The following CCNT2 variants were observed in gnomAD, a reference collection of about 807,000 sequenced individuals.
CCNT2 encodes the protein cyclin-T2.
Under a neutral mutation model 70.0 loss-of-function variants are expected in CCNT2, and 18 were observed. The observed-to-expected ratio is 0.26, with a 90% CI of 0.18 to 0.38. The LOEUF (loss-of-function observed/expected upper bound fraction) is 0.38. Ranked by LOEUF, CCNT2 falls within the 10% of genes least tolerant of loss-of-function variation. CCNT2 has a pLI of 1.00. For missense variants in CCNT2, 734 were observed against 890.2 expected (o/e 0.82, Z 2.23); for synonymous variants, 334 against 313.3 (o/e 1.07, Z -0.70).
intron 7 of CCNT2, among the ~76,000 whole-genome samples, chr2:134,948,795 A>G (rs896441809): frequency 1.3e-5 from 2 of 150,722 alleles, no homozygotes; most frequent in South Asian, 2.1e-4. Context: ...GCTCACCGCA[A>G]CCTCCACCTC....
At chr2:134,932,765 A>G (rs1471498531) in intron 2 of CCNT2, among the ~76,000 whole-genome samples, 1 of 152,164 alleles carries the variant, frequency 6.6e-6, no homozygotes, top group Non-Finnish European at 1.5e-5. Flanking sequence ...GCAAATGCCA[A>G]TTAACAAATG....
intron 2 of CCNT2, among the ~76,000 whole-genome samples, chr2:134,928,262 C>T (rs1380783141): frequency 8.2e-6 from 1 of 122,376 alleles, no homozygotes; most frequent in Non-Finnish European, 1.7e-5. Context: ...TGCCCGGCCT[C>T]ACATTGTATT....
intron 2 of CCNT2, among the ~76,000 whole-genome samples, chr2:134,934,784 T>A (rs1366984499): frequency 1.3e-5 from 2 of 152,218 alleles, no homozygotes; most frequent in East Asian, 3.8e-4. Flanking sequence ...AAATTCTGGA[T>A]CATCTGACAG....
chr2:134,924,355 CA>C (rs1363518586), intron 2 of CCNT2, among the ~76,000 whole-genome samples: 1 of 152,172 alleles, frequency 6.6e-6, no homozygotes, highest in Non-Finnish European at 1.5e-5. Flanking sequence ...TTGTAATCAC[CA>C]ACCAAGTCAA....
At chr2:134,926,402 C>A (rs901579395) in intron 2 of CCNT2, among the ~76,000 whole-genome samples, 1 of 152,148 alleles carries the variant, frequency 6.6e-6, no homozygotes, top group Non-Finnish European at 1.5e-5. Context: ...TTTTTAGTTT[C>A]TCTTTTCCCT....
rs988226873 is a variant in CCNT2 at position 134,954,489 on chromosome 2, C to T, written c.2034C>T (p.Tyr678=). 8 of 1,614,166 alleles carry T rather than the reference C, an allele frequency of 5.0e-6. No individual in the cohort carries two copies. Among genetic ancestry groups the T allele is most frequent in the Non-Finnish European group, 6.8e-6 (8 of 1,180,026 alleles). The change falls in exon 9 of 9, where the codon TAC becomes TAT. Residue 678 remains tyrosine (Y), a synonymous_variant. Coordinates refer to ENST00000264157, the MANE Select transcript of CCNT2 (RefSeq NM_058241.3). ...PPPPVTYQVG[Y]GHLSTLVKLD... ...CCCCTGTCACATACCAGGTGGGCTA[C>T]GGACATCTCAGCACCCTCGTGAAAC...
intron 7 of CCNT2, among the ~76,000 whole-genome samples, chr2:134,952,330 A>C (rs1682575537): frequency 6.6e-6 from 1 of 152,074 alleles, no homozygotes; most frequent in Non-Finnish European, 1.5e-5. Flanking sequence ...TCTGTGACAA[A>C]AATTATTGTG....
chr2:134,949,324 T>C lies in CCNT2; in HGVS notation c.703+1425T>C, dbSNP rs145973653. ...AGGGGTCTGCAAAGAGTAACACTAT[T>C]TTAGAGTTTGTGAACTATAAGGTCT... On this transcript the variant is annotated intron_variant, in intron 7 of 8. Transcript: ENST00000264157. 2.0e-3 allele frequency among the ~76,000 whole-genome samples: 308 copies of C among 152,318 alleles called. 2 individuals carry two copies. The highest frequency in any genetic ancestry group is 7.1e-3 in the African/African-American group (294 of 41,576).
Position 134,954,564 on chromosome 2 carries a change from C to T in CCNT2, c.2109C>T (p.Tyr703=), listed in dbSNP as rs779129544. The T allele has an allele frequency of 6.2e-7, 1 of 1,614,016 alleles. No homozygotes were observed. The highest frequency in any genetic ancestry group is 8.5e-7 in the Non-Finnish European group (1 of 1,179,898). The change falls in exon 9 of 9, where the codon TAC becomes TAT. Residue 703 remains tyrosine, a synonymous_variant. Coordinates refer to ENST00000264157, the MANE Select transcript of CCNT2 (RefSeq NM_058241.3). The part of the protein sequence containing the change: ...ETNGPDANHE[Y]STSSQHMDYK... ...ACGGTCCTGATGCCAATCACGAGTA[C>T]AGTACAAGCAGCCAGCATATGGACT...
intron 5 of CCNT2, chr2:134,943,878 G>C: frequency 1.0e-6 from 1 of 979,296 alleles, no homozygotes; most frequent in Non-Finnish European, 1.2e-6. Context: ...AGTTTTTTTA[G>C]ATTTATCCTA....
chr2:134,920,862 A>G (rs1028992612), intron 2 of CCNT2, among the ~76,000 whole-genome samples: 4 of 152,220 alleles, frequency 2.6e-5, no homozygotes, highest in African/African-American at 9.6e-5. Flanking sequence ...AAATGGAAGG[A>G]AAGGCTTCAT....
intron 2 of CCNT2, among the ~76,000 whole-genome samples, chr2:134,927,476 C>A (rs551814661): frequency 6.6e-6 from 1 of 152,206 alleles, no homozygotes; most frequent in Admixed American, 6.5e-5. Flanking sequence ...CCCAGTCCTG[C>A]AAGATCCAAG....
chr2:134,929,494 G>C (rs1680562570), intron 2 of CCNT2, among the ~76,000 whole-genome samples: 1 of 151,440 alleles, frequency 6.6e-6, no homozygotes, highest in Non-Finnish European at 1.5e-5. Flanking sequence ...TGTAGTCCCA[G>C]CTACTTGGGA....
chr2:134,919,240 T>G (rs1679657007), intron 1 of CCNT2, among the ~76,000 whole-genome samples: 1 of 152,126 alleles, frequency 6.6e-6, no homozygotes, highest in South Asian at 2.1e-4. Context: ...GTAATCTGTT[T>G]GGGGCAGCGC....
intron 7 of CCNT2, among the ~76,000 whole-genome samples, chr2:134,948,802 C>G (rs1310086227): frequency 6.6e-6 from 1 of 151,718 alleles, no homozygotes; most frequent in South Asian, 2.1e-4. Context: ...GCAACCTCCA[C>G]CTCCCGAGTT....
At chr2:134,948,718 C>T (rs1682189481) in intron 7 of CCNT2, among the ~76,000 whole-genome samples, 1 of 125,574 alleles carries the variant, frequency 8.0e-6, no homozygotes, top group African/African-American at 3.1e-5. Context: ...AAATAGATAA[C>T]ACTTTTTTTT....
At chr2:134,948,503 T>C (rs190024594) in intron 7 of CCNT2, among the ~76,000 whole-genome samples, 120 of 152,312 alleles carry the variant, frequency 7.9e-4, no homozygotes, top group South Asian at 4.1e-4. Context: ...TGTTTCTTGC[T>C]CTGTATTACC....
Position 134,919,834 on chromosome 2 carries a change from G to T in CCNT2, c.183G>T (p.Ala61=), listed in dbSNP as rs756719934. The part of the protein sequence containing the change: ...LNVSQLTINT[A]IVYMHRFYMH... The stretch of plus-strand genomic sequence containing the variant: ...GCTCTCAGCTTACAATAAACACTGC[G>T]ATTGTTTATATGCACAGGTTTTATA... Residue 61 remains alanine, a synonymous_variant, in exon 2 of 9, where the codon GCG becomes GCT. Transcript: ENST00000264157. 2.5e-6 allele frequency: 4 copies of T among 1,611,428 alleles called. No individual in the cohort carries two copies. The African/African-American group carries it at 5.4e-5, about 22-fold the overall frequency.
chr2:134,953,057 T>C, intron 8 of CCNT2, 173 bp from the exon 9 acceptor site: 1 of 527,712 alleles, frequency 1.9e-6, no homozygotes, highest in Non-Finnish European at 3.3e-6. Flanking sequence ...TTTTATAGCC[T>C]TTTATGCCTC....
Sources: allele counts gnomAD v4.1 joint callset (sites outside exome capture counted in the v4.1 genomes callset), GRCh38; gene constraint gnomAD v4.1.1; transcripts MANE v1.5; gene names NCBI Gene and HGNC (gene_info 2026-07-23, HGNC 2026-07-21).